SPRED1: variants seen among roughly 807,000 people sequenced by gnomAD.
SPRED1 encodes the protein sprouty-related, EVH1 domain-containing protein 1.
In SPRED1, 18 loss-of-function variants were observed where a neutral mutation model predicts 52.3. That is an observed-to-expected ratio of 0.34 (90% CI 0.24 to 0.51). The LOEUF is 0.51. Ranked by LOEUF, SPRED1 falls within the 20% of genes least tolerant of loss-of-function variation. The pLI, the probability that SPRED1 is intolerant of heterozygous loss-of-function variation, is 0.97. For missense variants in SPRED1, 485 were observed against 551.0 expected (o/e 0.88, Z 1.20); for synonymous variants, 155 against 179.7 (o/e 0.86, Z 1.10).
intron 5 of SPRED1, among the ~76,000 whole-genome samples, chr15:38,340,157 T>C (rs1028320239): frequency 6.6e-6 from 1 of 152,226 alleles, no homozygotes; most frequent in African/African-American, 2.4e-5. Flanking sequence ...TTACCCCTTA[T>C]CTCACAGGAA....
intron 1 of SPRED1, among the ~76,000 whole-genome samples, chr15:38,264,817 A>T (rs16966566): frequency 0.041 from 6,303 of 152,214 alleles, 447 homozygotes; most frequent in African/African-American, 0.14. Flanking sequence ...TTAGCTGGGA[A>T]GATTTGAGAG....
rs1555388365 is a variant in SPRED1 at position 38,278,829 on chromosome 15, T to TTTTTTG, written c.33-20539_33-20538insGTTTTT. ...CAACCATTATAACCTAACTACACTG[T>TTTTTTG]TTTTTTTTTTTTTTGTGAAATGAAG... On this transcript the variant is annotated intron_variant, in intron 1 of 6. Transcript: ENST00000299084. Among the ~76,000 whole-genome samples the TTTTTTG allele has an allele frequency of 4.0e-4, 4 of 9,890 alleles. No individual in the cohort carries two copies. The Admixed American group carries it at 7.0e-3, about 17-fold the overall frequency. The allele number at this position is 9,890 out of a possible 152,430, so 6.5% of individuals were successfully genotyped here. A position where few individuals can be genotyped will look rare whatever the true frequency, so the allele number is the denominator to read the frequency against.
At chr15:38,329,876 A>G (rs1236632209) in intron 4 of SPRED1, among the ~76,000 whole-genome samples, 1 of 152,114 alleles carries the variant, frequency 6.6e-6, no homozygotes. Context: ...GGCCATTTTC[A>G]TTGTGTCAGT....
In SPRED1 at chr15:38,302,137, G is replaced by A. The variant is rs186135953; in HGVS notation, c.207+2590G>A. On this transcript the variant is annotated intron_variant, in intron 2 of 6. Coordinates refer to ENST00000299084, the MANE Select transcript of SPRED1 (RefSeq NM_152594.3). ...TGCCCCTCATATCCCATGAATTCAT[G>A]CCCTTGAAGAAAGAATAAATATTCA... 2.2e-4 allele frequency among the ~76,000 whole-genome samples: 33 copies of A among 152,144 alleles called. No homozygotes were observed. In the South Asian group the frequency reaches 3.5e-3, roughly 16 times the overall value.
chr15:38,319,136 T>A (rs1895550436), intron 2 of SPRED1, among the ~76,000 whole-genome samples: 1 of 152,226 alleles, frequency 6.6e-6, no homozygotes, highest in Non-Finnish European at 1.5e-5. Context: ...TGTTTTTATG[T>A]CTTCCCCTTT....
chr15:38,287,052 T>G (rs1894826337), intron 1 of SPRED1, among the ~76,000 whole-genome samples: 1 of 152,202 alleles, frequency 6.6e-6, no homozygotes, highest in South Asian at 2.1e-4. Context: ...ACATGTCTTA[T>G]GTAATAATGC....
intron 1 of SPRED1, among the ~76,000 whole-genome samples, chr15:38,268,423 T>C (rs906617111): frequency 1.3e-5 from 2 of 152,210 alleles, no homozygotes; most frequent in South Asian, 2.1e-4. Flanking sequence ...TATGTTTCCA[T>C]GTAGAATGGA....
At chr15:38,261,778 A>T (rs1023867548) in intron 1 of SPRED1, among the ~76,000 whole-genome samples, 2 of 152,184 alleles carry the variant, frequency 1.3e-5, no homozygotes, top group South Asian at 2.1e-4. Context: ...ATTGCATGTG[A>T]TTAAACACAT....
intron 1 of SPRED1, among the ~76,000 whole-genome samples, chr15:38,255,026 C>T (rs1189935167): frequency 6.6e-6 from 1 of 152,098 alleles, no homozygotes; most frequent in Non-Finnish European, 1.5e-5. Flanking sequence ...CTCCTTGTTT[C>T]CTTCTGGTTG....
intron 1 of SPRED1, among the ~76,000 whole-genome samples, chr15:38,266,924 A>T (rs1266584600): frequency 2.6e-5 from 4 of 152,216 alleles, no homozygotes; most frequent in African/African-American, 9.7e-5. Flanking sequence ...CTAGCATATA[A>T]CACATAAGAA....
chr15:38,345,677 G>C (rs183020746), intron 5 of SPRED1, among the ~76,000 whole-genome samples: 1 of 152,098 alleles, frequency 6.6e-6, no homozygotes, highest in African/African-American at 2.4e-5. Context: ...TTGTCCACTC[G>C]GTGGGTTTGC....
Position 38,350,996 on chromosome 15 carries a change from T to C in SPRED1, c.685-18T>C, listed in dbSNP as rs1199037527. The C allele has an allele frequency of 6.2e-7, 1 of 1,608,634 alleles. No homozygotes were observed. The highest frequency in any genetic ancestry group is 2.2e-5 in the East Asian group (1 of 44,720). On this transcript the variant is annotated intron_variant, in intron 6 of 6. Coordinates refer to ENST00000299084, the MANE Select transcript of SPRED1 (RefSeq NM_152594.3). The stretch of plus-strand genomic sequence containing the variant: ...CCATCATAGCCCTCATTGCAGTTTT[T>C]ATCTGTTTCTTTTTTAGGTCCCTTT...
At chr15:38,255,063 A>G (rs1595709313) in intron 1 of SPRED1, among the ~76,000 whole-genome samples, 1 of 152,340 alleles carries the variant, frequency 6.6e-6, no homozygotes, top group East Asian at 1.9e-4. Flanking sequence ...CAGATGATGG[A>G]ATGTGAATTA....
intron 1 of SPRED1, among the ~76,000 whole-genome samples, chr15:38,274,613 A>G (rs12912664): frequency 0.23 from 35,429 of 152,126 alleles, 4,319 homozygotes; most frequent in Middle Eastern, 0.33. Context: ...ATTATTATCA[A>G]CTGGCAATAT....
intron 1 of SPRED1, among the ~76,000 whole-genome samples, chr15:38,272,578 T>C (rs1339828918): frequency 6.6e-6 from 1 of 152,166 alleles, no homozygotes; most frequent in African/African-American, 2.4e-5. Context: ...CCTCGAATGG[T>C]AGTTTGGTTT....
chr15:38,293,766 C>T (rs1329989636), intron 1 of SPRED1, among the ~76,000 whole-genome samples: 1 of 152,094 alleles, frequency 6.6e-6, no homozygotes, highest in Non-Finnish European at 1.5e-5. Flanking sequence ...CTTTCTTTCT[C>T]TCTATCGCTT....
intron 1 of SPRED1, among the ~76,000 whole-genome samples, chr15:38,277,932 A>G (rs1894594879): frequency 6.7e-6 from 1 of 150,252 alleles, no homozygotes; most frequent in African/African-American, 2.5e-5. Flanking sequence ...GTGTCTTCAT[A>G]CCCTTTGCCT....
chr15:38,347,743 A>G (rs994999413), intron 5 of SPRED1, among the ~76,000 whole-genome samples: 8 of 151,878 alleles, frequency 5.3e-5, no homozygotes, highest in Admixed American at 4.6e-4. Flanking sequence ...TTGTTGTTCT[A>G]TTATAAATGG....
intron 5 of SPRED1, among the ~76,000 whole-genome samples, chr15:38,347,461 CT>C (rs3075337): frequency 8.8e-4 from 82 of 93,242 alleles, no homozygotes; most frequent in Middle Eastern, 5.9e-3. Flanking sequence ...CCGCTTGGAT[CT>C]TTTTTTTTTT....
Sources: allele counts gnomAD v4.1 joint callset (sites outside exome capture counted in the v4.1 genomes callset), GRCh38; gene constraint gnomAD v4.1.1; transcripts MANE v1.5; gene names NCBI Gene and HGNC (gene_info 2026-07-23, HGNC 2026-07-21).